TMEM132D: variants seen among roughly 807,000 people sequenced by gnomAD.
TMEM132D encodes the protein transmembrane protein 132D, also known as mature OL transmembrane protein.
Under a neutral mutation model 62.3 loss-of-function variants are expected in TMEM132D, and 21 were observed. The ratio of observed to expected loss-of-function variants is 0.34; its 90% CI spans 0.24 to 0.49. TMEM132D has a LOEUF of 0.49. Among genes scored for constraint, TMEM132D ranks in the 20% least tolerant of loss-of-function variants. The pLI is 0.99. For synonymous variants in TMEM132D, 621 were observed against 575.6 expected, an observed-to-expected ratio of 1.08 and a Z score of -1.13; for missense variants, 1,346 against 1,402.8, an observed-to-expected ratio of 0.96 and a Z score of 0.65.
At chr12:129,665,104 G>A (rs1880345706) in intron 2 of TMEM132D, among the ~76,000 whole-genome samples, 1 of 152,028 alleles carries the variant, frequency 6.6e-6, no homozygotes, top group African/African-American at 2.4e-5. Context: ...TCCTGTGTGT[G>A]TAAAAATGGG....
At chr12:129,183,064 G>A (rs1424580531) in intron 5 of TMEM132D, among the ~76,000 whole-genome samples, 1 of 152,162 alleles carries the variant, frequency 6.6e-6, no homozygotes, top group African/African-American at 2.4e-5. Context: ...ACTGCTCCAA[G>A]AACAAGCCCC....
At chr12:129,155,538 A>G (rs965327117) in intron 5 of TMEM132D, among the ~76,000 whole-genome samples, 1 of 152,206 alleles carries the variant, frequency 6.6e-6, no homozygotes, top group Non-Finnish European at 1.5e-5. Flanking sequence ...AAGGCTACAG[A>G]TTGGGTAATT....
At chr12:129,584,429 G>A (rs1160620157) in intron 2 of TMEM132D, among the ~76,000 whole-genome samples, 7 of 152,122 alleles carry the variant, frequency 4.6e-5, no homozygotes, top group East Asian at 3.9e-4. Flanking sequence ...CCACTTTCAC[G>A]ACCTTCGAGC....
At chr12:129,185,209 A>T (rs1229880949) in intron 5 of TMEM132D, among the ~76,000 whole-genome samples, 1 of 152,212 alleles carries the variant, frequency 6.6e-6, no homozygotes, top group East Asian at 1.9e-4. Flanking sequence ...AGCAGAGATG[A>T]ACAGACCATC....
At chr12:129,502,993 A>G (rs746589502) in intron 3 of TMEM132D, among the ~76,000 whole-genome samples, 3 of 152,162 alleles carry the variant, frequency 2.0e-5, no homozygotes, top group African/African-American at 7.2e-5. Context: ...TCTTATTGCT[A>G]TATCTCTGGT....
At chr12:129,113,770 C>T (rs2135647668) in intron 5 of TMEM132D, among the ~76,000 whole-genome samples, 1 of 145,936 alleles carries the variant, frequency 6.9e-6, no homozygotes, top group East Asian at 2.1e-4. Flanking sequence ...TGGGAAAGGG[C>T]CGGGCTGGGT....
chr12:129,637,770 G>A (rs112134116), intron 2 of TMEM132D, among the ~76,000 whole-genome samples: 4 of 152,278 alleles, frequency 2.6e-5, no homozygotes, highest in African/African-American at 9.6e-5. Flanking sequence ...CATGGCTGAA[G>A]GTGCAAGGGG....
intron 3 of TMEM132D, among the ~76,000 whole-genome samples, chr12:129,468,584 C>G (rs929426290): frequency 4.0e-5 from 6 of 151,738 alleles, no homozygotes; most frequent in African/African-American, 1.2e-4. Context: ...TTTGTTTTAC[C>G]TTTTTGTATC....
At chr12:129,427,519 C>T (rs890425335) in intron 3 of TMEM132D, among the ~76,000 whole-genome samples, 1 of 151,966 alleles carries the variant, frequency 6.6e-6, no homozygotes, top group Non-Finnish European at 1.5e-5. Flanking sequence ...AACTAACCTG[C>T]ACGTTGTGCA....
At chr12:129,581,814 TC>T (rs1877872332) in intron 2 of TMEM132D, among the ~76,000 whole-genome samples, 1 of 152,182 alleles carries the variant, frequency 6.6e-6, no homozygotes, top group Non-Finnish European at 1.5e-5. Flanking sequence ...CATCCTTCAA[TC>T]CAATGACGTT....
intron 5 of TMEM132D, among the ~76,000 whole-genome samples, chr12:129,094,896 A>G (rs1470267136): frequency 1.3e-5 from 2 of 152,094 alleles, no homozygotes; most frequent in Non-Finnish European, 2.9e-5. Flanking sequence ...CATGGATGAA[A>G]CTGGAAACCA....
chr12:129,628,299 CA>C (rs1174926237), intron 2 of TMEM132D, among the ~76,000 whole-genome samples: 32 of 152,166 alleles, frequency 2.1e-4, no homozygotes, highest in African/African-American at 7.5e-4. Context: ...CTACTTCTAT[CA>C]GCCATAGGTT....
intron 5 of TMEM132D, among the ~76,000 whole-genome samples, chr12:129,096,672 A>G (rs1875126474): frequency 6.6e-6 from 1 of 152,140 alleles, no homozygotes; most frequent in Non-Finnish European, 1.5e-5. Flanking sequence ...AGAAAGTCTG[A>G]GTCTCTTTCC....
At chr12:129,114,440 C>T (rs1485622057) in intron 5 of TMEM132D, among the ~76,000 whole-genome samples, 1 of 151,692 alleles carries the variant, frequency 6.6e-6, no homozygotes, top group African/African-American at 2.4e-5. Context: ...TTCCTCCCTC[C>T]CTCCCTTTTC....
At chr12:129,693,289 A>G (rs181574174) in intron 2 of TMEM132D, among the ~76,000 whole-genome samples, 1 of 152,342 alleles carries the variant, frequency 6.6e-6, no homozygotes, top group Non-Finnish European at 1.5e-5. Flanking sequence ...TCATAAAATA[A>G]TATTAGATTA....
intron 5 of TMEM132D, among the ~76,000 whole-genome samples, chr12:129,145,025 T>C (rs1443466787): frequency 6.6e-6 from 1 of 151,994 alleles, no homozygotes; most frequent in Admixed American, 6.5e-5. Context: ...CACATATTTA[T>C]ATATATGTAC....
intron 3 of TMEM132D, among the ~76,000 whole-genome samples, chr12:129,450,256 A>G (rs6486471): frequency 0.99 from 150,218 of 152,322 alleles, 74,102 homozygotes; most frequent in South Asian, 1. Context: ...TGCTTTTGGC[A>G]TCTTTGTCAT....
intron 5 of TMEM132D, among the ~76,000 whole-genome samples, chr12:129,197,753 T>G (rs993745528): frequency 3.9e-5 from 6 of 152,182 alleles, no homozygotes; most frequent in African/African-American, 1.4e-4. Context: ...GACTTGACCT[T>G]GAGAGTACAG....
chr12:129,471,172 T>C (rs921409644), intron 3 of TMEM132D, among the ~76,000 whole-genome samples: 9 of 151,892 alleles, frequency 5.9e-5, no homozygotes, highest in African/African-American at 2.2e-4. Flanking sequence ...ACCTCTTATT[T>C]TGTTGCACTT....
Sources: gnomAD v4.1 joint callset for allele counts (sites outside exome capture counted in the v4.1 genomes callset) on GRCh38, gnomAD v4.1.1 for gene constraint, MANE v1.5 for transcripts, NCBI Gene and HGNC (gene_info 2026-07-23, HGNC 2026-07-21) for gene names.